The following TBC1D9 variants were observed in gnomAD, a reference collection of about 807,000 sequenced individuals.
The protein encoded by TBC1D9 is TBC1 domain family member 9.
In TBC1D9, 63 loss-of-function variants were observed where a neutral mutation model predicts 132.0. That is an observed-to-expected ratio of 0.48 (90% CI 0.39 to 0.59). The LOEUF (loss-of-function observed/expected upper bound fraction) is 0.59. Ranked by LOEUF, TBC1D9 falls within the 20% of genes least tolerant of loss-of-function variation. The pLI is 0.00. For synonymous variants in TBC1D9, 610 were observed against 609.9 expected (o/e 1.00, Z 0.00); for missense variants, 1,261 against 1,592.7 (o/e 0.79, Z 3.54).
rs998605546 is a variant in TBC1D9, at chr4:140,755,815, C to G, written c.130+101G>C. Reference sequence around the variant, plus strand: ...ACGAGGCAGGGCGGGTCGCCCAGCCCCAGGGGACCGGGCGGCGTCTCCCGA... The same window carrying G: ...ACGAGGCAGGGCGGGTCGCCCAGCCGCAGGGGACCGGGCGGCGTCTCCCGA... On this transcript the variant is annotated intron_variant, in intron 1 of 20. Coordinates refer to ENST00000442267, the MANE Select transcript of TBC1D9 (RefSeq NM_015130.3). 2.9e-6 allele frequency: 4 copies of G among 1,378,948 alleles called. No homozygotes were observed. In the African/African-American group the frequency reaches 4.7e-5, roughly 16 times the overall value. The allele number at this position is 1,378,948 out of a possible 1,614,324, so 85.4% of individuals were successfully genotyped here.
chr4:140,736,058 T>G (rs1483616779), intron 1 of TBC1D9, among the ~76,000 whole-genome samples: 1 of 152,142 alleles, frequency 6.6e-6, no homozygotes, highest in Non-Finnish European at 1.5e-5. Context: ...TGAAAAATAA[T>G]GATCCACAAA....
chr4:140,755,121 AAC>A (rs1300512167), intron 1 of TBC1D9, among the ~76,000 whole-genome samples: 6 of 152,348 alleles, frequency 3.9e-5, no homozygotes, highest in Admixed American at 3.9e-4. Flanking sequence ...CATTCTAAAT[AAC>A]ACAGAGATGG....
intron 3 of TBC1D9, among the ~76,000 whole-genome samples, chr4:140,680,911 T>TTAG (rs1737693737): frequency 6.6e-6 from 1 of 152,358 alleles, no homozygotes; most frequent in Non-Finnish European, 1.5e-5. Context: ...ACTTAGTGGT[T>TTAG]TCTAACCACC....
intron 1 of TBC1D9, among the ~76,000 whole-genome samples, chr4:140,732,066 TACTCAGGTAACG>T (rs1738602085): frequency 6.6e-6 from 1 of 152,208 alleles, no homozygotes; most frequent in African/African-American, 2.4e-5. Context: ...ACATAGGCCC[TACTCAGGTAACG>T]GCTCAGAAGT....
chr4:140,622,257 G>T lies in TBC1D9; in HGVS notation c.3739C>A (p.Arg1247=). The change falls in exon 21 of 21, where the codon CGG becomes AGG. Residue 1247 remains arginine (R), a synonymous_variant. Coordinates refer to ENST00000442267, the MANE Select transcript of TBC1D9 (RefSeq NM_015130.3). ...GAGGTGAGGGGCTTGCCCATCATCC[G>T]GATGTTTTTTGCACTGGTAATCCTG... is the stretch of plus-strand genomic sequence containing the variant. ...MARITSAKNI[R]MMGKPLTSAS... is the part of the protein sequence containing the mutation. 6.2e-7 allele frequency: 1 copy of T among 1,605,896 alleles called. No homozygotes were observed. Among genetic ancestry groups the T allele is most frequent in the African/African-American group, 1.3e-5 (1 of 74,930 alleles).
At chr4:140,705,511 CAT>C (rs758934147) in intron 1 of TBC1D9, among the ~76,000 whole-genome samples, 4 of 114,318 alleles carry the variant, frequency 3.5e-5, no homozygotes, top group African/African-American at 8.7e-5. Flanking sequence ...GGGGTGTGTG[CAT>C]GTGTGTGTGT....
At chr4:140,677,200 A>C in intron 5 of TBC1D9, 99 bp from the exon 6 acceptor site, 2 of 1,397,746 alleles carry the variant, frequency 1.4e-6, no homozygotes, top group Non-Finnish European at 2.0e-6. Flanking sequence ...CCACCTCCTC[A>C]ATCTTGCTAG....
At chr4:140,660,458 C>G (rs1737339557) in intron 10 of TBC1D9, among the ~76,000 whole-genome samples, 1 of 152,096 alleles carries the variant, frequency 6.6e-6, no homozygotes, top group Non-Finnish European at 1.5e-5. Context: ...AATTCAATTT[C>G]AAAAAAGGTA....
chr4:140,750,129 A>G (rs189135026), intron 1 of TBC1D9, among the ~76,000 whole-genome samples: 58 of 149,618 alleles, frequency 3.9e-4, no homozygotes, highest in South Asian at 4.2e-4. Flanking sequence ...AAAATAAAAT[A>G]AAATGAAAAC....
rs1279995838 is a variant in TBC1D9 at position 140,709,238 on chromosome 4, TCTCTCTCTCTCACACACACACACACA to T, written c.131-7650_131-7625del. 2.3e-3 allele frequency among the ~76,000 whole-genome samples: 256 copies of T among 109,442 alleles called. 4 individuals are homozygous for T. Among genetic ancestry groups the T allele is most frequent in the African/African-American group, 7.9e-3 (210 of 26,678 alleles). 71.8% of individuals were successfully genotyped at this position (109,442 alleles called of 152,430 possible). A position where few individuals can be genotyped will look rare whatever the true frequency, so the allele number is the denominator to read the frequency against. On this transcript the variant is annotated intron_variant, in intron 1 of 20. Transcript: ENST00000442267. Reference sequence around the variant, plus strand: ...AGCCTTATCTCTCTCTCTCTCTCTCTCTCTCTCTCTCACACACACACACACACACACACACACACACACACACACAC... The same window carrying T: ...AGCCTTATCTCTCTCTCTCTCTCTCTCACACACACACACACACACACACAC...
chr4:140,725,107 C>T (rs1005203281), intron 1 of TBC1D9, among the ~76,000 whole-genome samples: 3 of 152,104 alleles, frequency 2.0e-5, no homozygotes, highest in South Asian at 2.1e-4. Context: ...CATATGTACA[C>T]GGCTATTTAT....
chr4:140,699,797 A>G (rs2111037902), intron 2 of TBC1D9, among the ~76,000 whole-genome samples: 1 of 152,376 alleles, frequency 6.6e-6, no homozygotes, highest in African/African-American at 2.4e-5. Flanking sequence ...ACACTGGTTC[A>G]TTAATTATAA....
At chr4:140,650,863 T>G (rs1307461774) in intron 13 of TBC1D9, among the ~76,000 whole-genome samples, 1 of 152,132 alleles carries the variant, frequency 6.6e-6, no homozygotes, top group Non-Finnish European at 1.5e-5. Context: ...ACACCAATAA[T>G]GTAAAGTTCA....
chr4:140,680,603 C>T (rs72718388), intron 3 of TBC1D9, among the ~76,000 whole-genome samples: 5 of 152,252 alleles, frequency 3.3e-5, no homozygotes, highest in Non-Finnish European at 7.3e-5. Context: ...AAATCCCTCC[C>T]GCCTCATCTT....
intron 15 of TBC1D9, among the ~76,000 whole-genome samples, chr4:140,635,524 A>G (rs1429952267): frequency 1.3e-5 from 2 of 152,184 alleles, no homozygotes; most frequent in Non-Finnish European, 2.9e-5. Context: ...ATTACTTTTG[A>G]AAATCCTTCT....
chr4:140,699,798 T>C (rs1738035605), intron 2 of TBC1D9, among the ~76,000 whole-genome samples: 1 of 152,206 alleles, frequency 6.6e-6, no homozygotes, highest in East Asian at 1.9e-4. Context: ...CACTGGTTCA[T>C]TAATTATAAC....
chr4:140,756,172 C>A lies in TBC1D9; in HGVS notation c.-127G>T. On this transcript the variant is annotated 5_prime_UTR_variant, in exon 1 of 21. Transcript: ENST00000442267. This position sits in a 1 kb window ranked among gnomAD's most constrained non-coding sequence, Gnocchi z 5.6. ...GCCCGTCCGCTAGGTGCGGCGGCGG[C>A]GGCGGCAGGCGACTTCAGGGGGTGG... 1 of 660,892 alleles carries A rather than the reference C, an allele frequency of 1.5e-6. No homozygotes were observed. The highest frequency in any genetic ancestry group is 3.6e-5 in the East Asian group (1 of 27,482). 40.9% of individuals were successfully genotyped at this position (660,892 alleles called of 1,614,324 possible).
chr4:140,672,078 T>C (rs531328262), intron 6 of TBC1D9, among the ~76,000 whole-genome samples: 224 of 152,186 alleles, frequency 1.5e-3, no homozygotes, highest in African/African-American at 5.2e-3. Flanking sequence ...CTAAAAACTC[T>C]TGCATATCTA....
intron 15 of TBC1D9, among the ~76,000 whole-genome samples, chr4:140,638,798 A>G (rs1395698062): frequency 3.3e-5 from 5 of 152,216 alleles, no homozygotes; most frequent in African/African-American, 9.6e-5. Flanking sequence ...AGCAGAACTT[A>G]AACTTGATCA....
Sources: allele counts gnomAD v4.1 joint callset (sites outside exome capture counted in the v4.1 genomes callset), GRCh38; gene constraint gnomAD v4.1.1; non-coding constraint Gnocchi (gnomAD v3.1); transcripts MANE v1.5; gene names NCBI Gene and HGNC (gene_info 2026-07-23, HGNC 2026-07-21).